The following CDKN2B-AS1 variants were observed in gnomAD, a reference collection of about 807,000 sequenced individuals.
CDKN2B-AS1 encodes CDKN2B antisense RNA 1 (non-protein coding).
At chr9:22,059,975 C>T (rs762418887) in intron 4 of CDKN2B-AS1, among the ~76,000 whole-genome samples, 11 of 152,154 alleles carry the variant, frequency 7.2e-5, no homozygotes, top group Non-Finnish European at 1.5e-4. Context: ...CTGCCCATGG[C>T]GCAGGGACCC....
chr9:22,073,876 T>TTA (rs1281823854), intron 4 of CDKN2B-AS1, among the ~76,000 whole-genome samples: 3 of 152,024 alleles, frequency 2.0e-5, no homozygotes, highest in Admixed American at 6.6e-5. Flanking sequence ...AATTTTTTTT[T>TTA]TTTTTGAGAC....
chr9:22,103,399 C>T (rs1396957779), intron 4 of CDKN2B-AS1, among the ~76,000 whole-genome samples: 2 of 152,070 alleles, frequency 1.3e-5, no homozygotes, highest in African/African-American at 2.4e-5. Context: ...AAAAGCTTTG[C>T]TTAACTCTGG....
At chr9:22,091,852 A>G (rs1314338628) in intron 4 of CDKN2B-AS1, among the ~76,000 whole-genome samples, 2 of 152,162 alleles carry the variant, frequency 1.3e-5, no homozygotes, top group East Asian at 3.9e-4. Context: ...AGAACTTCCA[A>G]CACTATGTTG....
chr9:22,056,235 T>TATATA (rs1291865557), intron 3 of CDKN2B-AS1: 1 of 72,896 alleles, frequency 1.4e-5, no homozygotes, highest in Non-Finnish European at 3.1e-5. Flanking sequence ...TATATATATA[T>TATATA]TTTTTTTTTT....
At chr9:22,109,293 A>C (rs1825741079) in intron 4 of CDKN2B-AS1, among the ~76,000 whole-genome samples, 1 of 152,122 alleles carries the variant, frequency 6.6e-6, no homozygotes, top group African/African-American at 2.4e-5. Context: ...CTTCTTTATG[A>C]GCTTTTATTT....
chr9:22,099,362 A>T (rs947165345), intron 4 of CDKN2B-AS1, among the ~76,000 whole-genome samples: 21 of 152,202 alleles, frequency 1.4e-4, no homozygotes, highest in African/African-American at 5.1e-4. Context: ...GAATAAAAAG[A>T]TTCCATCTAA....
At chr9:22,013,267 A>G (rs1287648897) in intron 1 of CDKN2B-AS1, among the ~76,000 whole-genome samples, 1 of 152,202 alleles carries the variant, frequency 6.6e-6, no homozygotes, top group Non-Finnish European at 1.5e-5. Context: ...TAGGACTTTA[A>G]TATAAAAATT....
rs1331434687 is a variant in CDKN2B-AS1 at position 22,073,804 on chromosome 9, T to C, written n.438+17417T>C. 1.3e-5 allele frequency among the ~76,000 whole-genome samples: 2 copies of C among 152,144 alleles called. 1 individual carries two copies. Among genetic ancestry groups the C allele is most frequent in the Non-Finnish European group, 2.9e-5 (2 of 68,028 alleles). On this transcript the variant is annotated intron_variant and non_coding_transcript_variant, in intron 4 of 4. Transcript: ENST00000650946. Reference sequence around the variant, plus strand: ...ATTTCTATTTGAGAGTTGGTTGAAATAAGATCATGTAAATAAAAATACAAT... The same window carrying C: ...ATTTCTATTTGAGAGTTGGTTGAAACAAGATCATGTAAATAAAAATACAAT...
chr9:22,065,340 G>T (rs1042596250), intron 4 of CDKN2B-AS1, among the ~76,000 whole-genome samples: 6 of 152,106 alleles, frequency 3.9e-5, no homozygotes, highest in African/African-American at 4.8e-5. Flanking sequence ...AGCAAAGATT[G>T]CCAGCCTGGT....
chr9:22,005,798 T>A lies in CDKN2B-AS1; in HGVS notation n.29+10637T>A. 1 of 718,208 alleles carries A rather than the reference T, an allele frequency of 1.4e-6. No homozygotes were observed. The highest frequency in any genetic ancestry group is 1.7e-5 in the South Asian group (1 of 57,274). The allele number at this position is 718,208 out of a possible 1,614,324, so 44.5% of individuals were successfully genotyped here. A position where few individuals can be genotyped will look rare whatever the true frequency, so the allele number is the denominator to read the frequency against. On this transcript the variant is annotated intron_variant and non_coding_transcript_variant, in intron 1 of 4. Coordinates refer to ENST00000650946, the Ensembl canonical transcript of CDKN2B-AS1. This position sits in a 1 kb window ranked among gnomAD's most constrained non-coding sequence, Gnocchi z 4.9. ...TTCATGGTGAGTGTCGAGGGCCAGA[T>A]AAGACAAAGAAAAAAATGTATGGAA...
chr9:22,123,635 T>C (rs1167408250), intron 4 of CDKN2B-AS1, among the ~76,000 whole-genome samples: 2 of 151,340 alleles, frequency 1.3e-5, no homozygotes, highest in African/African-American at 4.8e-5. Flanking sequence ...AATGAGAAGA[T>C]GGATTAAAAA....
rs1479937251 is a variant in CDKN2B-AS1 at position 22,039,841 on chromosome 9, T to A, written n.30-6910T>A. On this transcript the variant is annotated intron_variant and non_coding_transcript_variant, in intron 1 of 4. Coordinates refer to ENST00000650946, the Ensembl canonical transcript of CDKN2B-AS1. This position sits in a 1 kb window ranked among gnomAD's most constrained non-coding sequence, Gnocchi z 4.4. The stretch of plus-strand genomic sequence containing the variant: ...AGTCCTAACTCCTAGTGCTTCAGAA[T>A]GTGACCTTATTTGGAAACAGGGTCA... Among the ~76,000 whole-genome samples, 1 of 152,006 alleles carries A rather than the reference T, an allele frequency of 6.6e-6. No individual in the cohort carries two copies. The highest frequency in any genetic ancestry group is 1.5e-5 in the Non-Finnish European group (1 of 67,956).
intron 1 of CDKN2B-AS1, among the ~76,000 whole-genome samples, chr9:22,018,833 C>G (rs1356813172): frequency 6.6e-6 from 1 of 152,234 alleles, no homozygotes; most frequent in East Asian, 1.9e-4. Context: ...ATTGAGCCCC[C>G]CCAATAAATA....
chr9:22,046,273 A>G (rs1823106448), intron 1 of CDKN2B-AS1: 1 of 152,150 alleles, frequency 6.6e-6, no homozygotes, highest in Non-Finnish European at 1.5e-5. Flanking sequence ...TGATTTTAAT[A>G]GCAACTTCAT....
At chr9:22,099,970 G>A (rs941559037) in intron 4 of CDKN2B-AS1, among the ~76,000 whole-genome samples, 1 of 152,028 alleles carries the variant, frequency 6.6e-6, no homozygotes, top group African/African-American at 2.4e-5. Context: ...GTTCTATTTT[G>A]TACATTTGAT....
At chr9:22,090,398 G>A (rs1388081589) in intron 4 of CDKN2B-AS1, among the ~76,000 whole-genome samples, 2 of 152,146 alleles carry the variant, frequency 1.3e-5, no homozygotes, top group African/African-American at 4.8e-5. Context: ...CTGAGGAATC[G>A]ACACACTGAC....
At chr9:22,126,971 A>C (rs1818031565) in intron 4 of CDKN2B-AS1, among the ~76,000 whole-genome samples, 1 of 152,238 alleles carries the variant, frequency 6.6e-6, no homozygotes, top group South Asian at 2.1e-4. Context: ...ATTATGCATC[A>C]AATCTTTTAC....
At chr9:22,070,499 G>T (rs1017642487) in intron 4 of CDKN2B-AS1, among the ~76,000 whole-genome samples, 1 of 152,146 alleles carries the variant, frequency 6.6e-6, no homozygotes, top group African/African-American at 2.4e-5. Flanking sequence ...TTCAGGGAAG[G>T]GCAATGATCA....
intron 4 of CDKN2B-AS1, among the ~76,000 whole-genome samples, chr9:22,065,474 G>C (rs1248060006): frequency 6.6e-6 from 1 of 152,146 alleles, no homozygotes; most frequent in Admixed American, 6.5e-5. Context: ...TTCTAACCAA[G>C]ATGTATTAAT....
Sources: gnomAD v4.1 joint callset for allele counts (sites outside exome capture counted in the v4.1 genomes callset) on GRCh38, gnomAD v4.1.1 for gene constraint, Gnocchi (gnomAD v3.1) non-coding constraint, MANE v1.5 for transcripts, NCBI Gene and HGNC (gene_info 2026-07-23, HGNC 2026-07-21) for gene names.